The following PPFIA2 variants were observed in gnomAD, a reference collection of about 807,000 sequenced individuals.
PPFIA2 encodes the protein liprin-alpha-2.
In PPFIA2, 46 loss-of-function variants were observed where a neutral mutation model predicts 175.5. That is an observed-to-expected ratio of 0.26 (90% CI 0.21 to 0.34). The LOEUF is 0.34. Among genes scored for constraint, PPFIA2 ranks in the 10% least tolerant of loss-of-function variants. The probability of loss-of-function intolerance (pLI) is 1.00; values close to 1 mark genes in which losing one functional copy is unlikely to be tolerated. For missense variants in PPFIA2, 1,179 were observed against 1,506.1 expected (o/e 0.78, Z 3.60); for synonymous variants, 568 against 511.4 (o/e 1.11, Z -1.49).
intron 4 of PPFIA2, among the ~76,000 whole-genome samples, chr12:81,571,022 A>G (rs2153413547): frequency 6.6e-6 from 1 of 152,148 alleles, no homozygotes; most frequent in Admixed American, 6.6e-5. Flanking sequence ...TATTCTATTC[A>G]TTATGGTGTA....
At chr12:81,742,842 T>C (rs2082494904) in intron 3 of PPFIA2, among the ~76,000 whole-genome samples, 1 of 152,134 alleles carries the variant, frequency 6.6e-6, no homozygotes, top group Non-Finnish European at 1.5e-5. Context: ...GCAAGTGGGC[T>C]ATCCTAATGC....
chr12:81,395,918 G>A (rs1370865186), intron 8 of PPFIA2, among the ~76,000 whole-genome samples: 1 of 151,896 alleles, frequency 6.6e-6, no homozygotes, highest in Non-Finnish European at 1.5e-5. Context: ...CAGCCCTCTG[G>A]CCCCTCTTCC....
rs1285324721 is a variant in PPFIA2 at position 81,341,139 on chromosome 12, TAGG to T, written c.2329_2331del (p.Pro777del). The T allele has an allele frequency of 1.2e-6, 2 of 1,611,182 alleles. No homozygotes were observed. The highest frequency in any genetic ancestry group is 1.7e-5 in the Admixed American group (1 of 59,786). ...TGAGTCATTCTGAGGGCTCTAGGGGTAGGAGGAGGAGAAGTTTCACATTTAATT... is the reference window on the plus strand; with the variant it reads ...TGAGTCATTCTGAGGGCTCTAGGGGTAGGAGGAGAAGTTTCACATTTAATT... On this transcript the variant is annotated inframe_deletion, in exon 20 of 33. Transcript: ENST00000549396.
Position 81,294,485 on chromosome 12 carries a change from GGAAA to G in PPFIA2, c.2925+346_2925+349del, listed in dbSNP as rs1261533178. The stretch of plus-strand genomic sequence containing the variant: ...AGGAAGGAAGGAAGGAAGGAAGGAA[GGAAA>G]GAAGGAAGGAAGGGAGGGAGGAAGG... On this transcript the variant is annotated intron_variant, in intron 24 of 32. Coordinates refer to ENST00000549396, the MANE Select transcript of PPFIA2 (RefSeq NM_003625.5). The G allele has an allele frequency of 1.2e-3, 199 of 168,068 alleles. 1 individual carries two copies. The highest frequency in any genetic ancestry group is 5.4e-3 in the African/African-American group (185 of 34,014). 10.4% of individuals were successfully genotyped at this position (168,068 alleles called of 1,614,324 possible).
intron 5 of PPFIA2, among the ~76,000 whole-genome samples, chr12:81,454,515 G>T (rs2053238282): frequency 6.6e-6 from 1 of 152,114 alleles, no homozygotes. Context: ...AAAACATTTA[G>T]ATTTTAATGT....
chr12:81,512,491 A>C (rs1228361439), intron 4 of PPFIA2: 6 of 335,356 alleles, frequency 1.8e-5, no homozygotes, highest in Non-Finnish European at 2.9e-5. Context: ...TTGCACTTAA[A>C]AATAATTTTA....
chr12:81,488,204 T>C (rs2059042698), intron 4 of PPFIA2, among the ~76,000 whole-genome samples: 2 of 151,854 alleles, frequency 1.3e-5, no homozygotes, highest in Admixed American at 1.3e-4. Context: ...CAGACAAACA[T>C]GAAACCTTTG....
At position 81,665,517 on chromosome 12, in the gene PPFIA2, T is replaced by G. The variant is rs377624558; in HGVS notation, c.303+11274A>C. On this transcript the variant is annotated intron_variant, in intron 4 of 32. Coordinates refer to ENST00000549396, the MANE Select transcript of PPFIA2 (RefSeq NM_003625.5). ...ATTTTTGATTATGGAAAACTACATT[T>G]GCATGTGCCCTCTAAGTAGTTTGAT... Among the ~76,000 whole-genome samples the G allele has an allele frequency of 3.3e-5, 5 of 152,072 alleles. No homozygotes were observed. The South Asian group carries it at 6.2e-4, about 19-fold the overall frequency.
intron 4 of PPFIA2, among the ~76,000 whole-genome samples, chr12:81,527,038 G>A (rs1350777355): frequency 1.3e-5 from 2 of 152,138 alleles, no homozygotes; most frequent in African/African-American, 4.8e-5. Context: ...ATTGTAAAGT[G>A]GTGATGGCAA....
chr12:81,272,495 T>A (rs2039410376), intron 28 of PPFIA2, among the ~76,000 whole-genome samples: 1 of 152,176 alleles, frequency 6.6e-6, no homozygotes, highest in Admixed American at 6.5e-5. Context: ...GTCTTTATAC[T>A]TTTCACTTCT....
chr12:81,335,256 A>G (rs2056912379), intron 21 of PPFIA2, among the ~76,000 whole-genome samples: 1 of 152,090 alleles, frequency 6.6e-6, no homozygotes. Context: ...TCAGAGATGC[A>G]TTGCATATGG....
At chr12:81,539,753 G>A (rs557137559) in intron 4 of PPFIA2, among the ~76,000 whole-genome samples, 3 of 151,836 alleles carry the variant, frequency 2.0e-5, no homozygotes, top group Non-Finnish European at 4.4e-5. Flanking sequence ...GATACAGAAC[G>A]AAGCAGTCCC....
chr12:81,343,308 C>T (rs2058477013), intron 19 of PPFIA2, among the ~76,000 whole-genome samples: 1 of 151,990 alleles, frequency 6.6e-6, no homozygotes, highest in African/African-American at 2.4e-5. Flanking sequence ...TTCCATCCTA[C>T]CTTTCTATTT....
At chr12:81,463,574 C>T (rs772638441) in intron 4 of PPFIA2, among the ~76,000 whole-genome samples, 3 of 152,102 alleles carry the variant, frequency 2.0e-5, no homozygotes, top group South Asian at 2.1e-4. Context: ...ACCCTCAGCA[C>T]GAAGGGAGGG....
intron 23 of PPFIA2, among the ~76,000 whole-genome samples, chr12:81,297,783 C>T (rs562394643): frequency 3.3e-5 from 5 of 152,230 alleles, no homozygotes; most frequent in South Asian, 2.1e-4. Flanking sequence ...GTCTTTGATG[C>T]GGATAAATGG....
At chr12:81,283,102 C>T (rs1053660814) in intron 25 of PPFIA2, 63 bp from the exon 26 acceptor site, 1 of 1,527,734 alleles carries the variant, frequency 6.5e-7, no homozygotes, top group Non-Finnish European at 9.0e-7. Flanking sequence ...CAAATCAATA[C>T]AGTAAAATTT....
chr12:81,456,845 A>G (rs2053647975), intron 5 of PPFIA2, among the ~76,000 whole-genome samples: 1 of 152,152 alleles, frequency 6.6e-6, no homozygotes, highest in African/African-American at 2.4e-5. Flanking sequence ...TTCCAAAAGT[A>G]GAATCTAGCA....
intron 4 of PPFIA2, among the ~76,000 whole-genome samples, chr12:81,482,932 G>A (rs1307594535): frequency 6.6e-6 from 1 of 152,038 alleles, no homozygotes; most frequent in East Asian, 1.9e-4. Flanking sequence ...GTGTTCCAGT[G>A]CTAAAATTCT....
intron 3 of PPFIA2, among the ~76,000 whole-genome samples, chr12:81,742,302 G>A (rs2082418786): frequency 6.6e-6 from 1 of 152,068 alleles, no homozygotes. Context: ...GAATTATATC[G>A]ATGAGCTACA....
Sources: gnomAD v4.1 joint callset for allele counts (sites outside exome capture counted in the v4.1 genomes callset) on GRCh38, gnomAD v4.1.1 for gene constraint, MANE v1.5 for transcripts, NCBI Gene and HGNC (gene_info 2026-07-23, HGNC 2026-07-21) for gene names.